The following UBAC2 variants were observed in gnomAD, a reference collection of about 807,000 sequenced individuals.
UBAC2 encodes UBA domain containing 2.
UBAC2 carries 26 observed loss-of-function variants against 44.0 expected under a neutral mutation model. The observed-to-expected ratio is 0.59, with a 90% CI of 0.43 to 0.82. UBAC2 has a LOEUF of 0.82. Among genes scored for constraint, UBAC2 ranks in the 40% least tolerant of loss-of-function variants. UBAC2 has a pLI of 0.00. For synonymous variants in UBAC2, 155 were observed against 154.3 expected (o/e 1.00, Z -0.04); for missense variants, 329 against 419.4 (o/e 0.78, Z 1.88).
intron 4 of UBAC2, among the ~76,000 whole-genome samples, chr13:99,273,976 T>C (rs1748840820): frequency 6.6e-6 from 1 of 152,028 alleles, no homozygotes; most frequent in African/African-American, 2.4e-5. Context: ...TAAATTTTTA[T>C]TGAGGTATAA....
intron 1 of UBAC2, among the ~76,000 whole-genome samples, chr13:99,203,113 T>A (rs1427003836): frequency 6.6e-6 from 1 of 152,026 alleles, no homozygotes; most frequent in Non-Finnish European, 1.5e-5. Context: ...CTCCGCTCAC[T>A]GCAACCTCCG....
chr13:99,379,268 G>C (rs1377498632), intron 8 of UBAC2, among the ~76,000 whole-genome samples: 1 of 152,226 alleles, frequency 6.6e-6, no homozygotes, highest in Non-Finnish European at 1.5e-5. Context: ...TCCTGGAGGG[G>C]CTGTCTCATT....
chr13:99,359,827 C>T (rs1030345599), intron 7 of UBAC2, among the ~76,000 whole-genome samples: 1 of 152,228 alleles, frequency 6.6e-6, no homozygotes, highest in Non-Finnish European at 1.5e-5. Flanking sequence ...CATCGCCCTT[C>T]GCTGCCTACC....
intron 6 of UBAC2, among the ~76,000 whole-genome samples, chr13:99,325,261 C>T (rs1358030360): frequency 6.6e-6 from 1 of 151,966 alleles, no homozygotes; most frequent in Non-Finnish European, 1.5e-5. Flanking sequence ...TGTCACCATG[C>T]CCAGCTAATT....
intron 6 of UBAC2, among the ~76,000 whole-genome samples, chr13:99,329,769 T>A (rs1018471097): frequency 4.6e-5 from 7 of 152,242 alleles, no homozygotes; most frequent in African/African-American, 1.4e-4. Context: ...TTGAGATGAG[T>A]GCAGATAGGC....
intron 4 of UBAC2, among the ~76,000 whole-genome samples, chr13:99,273,479 C>A (rs543482939): frequency 1.3e-5 from 2 of 151,936 alleles, no homozygotes; most frequent in African/African-American, 2.4e-5. Context: ...TGAGAGTAAG[C>A]GGTTTCTTTA....
chr13:99,270,468 C>A (rs2043801149), intron 4 of UBAC2, among the ~76,000 whole-genome samples: 1 of 152,186 alleles, frequency 6.6e-6, no homozygotes, highest in South Asian at 2.1e-4. Flanking sequence ...CTAAATAATG[C>A]TCCTTAGCTA....
rs61499852 is a variant in UBAC2 at position 99,341,420 on chromosome 13, G to C, written c.807+855G>C. On this transcript the variant is annotated intron_variant, in intron 7 of 8. Transcript: ENST00000403766. ...ATGCAGGTCCCAGAGTTTATATCAG[G>C]GGGGGGGAGGAAGGGGGCAGCTTAT... Among the ~76,000 whole-genome samples the C allele has an allele frequency of 0.029, 17 of 586 alleles. No individual in the cohort carries two copies. The Admixed American group carries it at 0.3, about 10-fold the overall frequency. 0.4% of individuals were successfully genotyped at this position (586 alleles called of 152,430 possible). A position where few individuals can be genotyped will look rare whatever the true frequency, so the allele number is the denominator to read the frequency against.
intron 4 of UBAC2, among the ~76,000 whole-genome samples, chr13:99,275,825 C>T (rs1420385721): frequency 6.6e-6 from 1 of 152,046 alleles, no homozygotes; most frequent in African/African-American, 2.4e-5. Context: ...ATGAGGTCCT[C>T]GATGACCATG....
intron 2 of UBAC2, among the ~76,000 whole-genome samples, chr13:99,243,521 A>G (rs1594039552): frequency 6.6e-6 from 1 of 152,146 alleles, no homozygotes; most frequent in Admixed American, 6.5e-5. Flanking sequence ...GTTTACGTAT[A>G]TAATTTTAAA....
chr13:99,216,489 T>A (rs1182971911), intron 1 of UBAC2, among the ~76,000 whole-genome samples: 2 of 152,192 alleles, frequency 1.3e-5, no homozygotes, highest in African/African-American at 4.8e-5. Context: ...CAAATTTCGT[T>A]TAAAATATTT....
rs564384642 is a variant in UBAC2 at position 99,253,374 on chromosome 13, T to G, written c.389+8750T>G. The stretch of plus-strand genomic sequence containing the variant: ...ACATAACCTCTTCAGACCTCAGTTT[T>G]TTATATTTCGAACAGAAGAATTGTA... On this transcript the variant is annotated intron_variant, in intron 4 of 8. Coordinates refer to ENST00000403766, the MANE Select transcript of UBAC2 (RefSeq NM_001144072.2). Among the ~76,000 whole-genome samples the G allele has an allele frequency of 3.2e-4, 48 of 152,302 alleles. No homozygotes were observed. In the South Asian group the frequency reaches 9.3e-3, roughly 30 times the overall value.
At chr13:99,210,659 TAG>T (rs1029781196) in intron 1 of UBAC2, among the ~76,000 whole-genome samples, 1 of 152,218 alleles carries the variant, frequency 6.6e-6, no homozygotes, top group African/African-American at 2.4e-5. Flanking sequence ...GTGTTTTTAG[TAG>T]AGACGGGGTT....
chr13:99,247,884 T>TA (rs11422677), intron 4 of UBAC2, among the ~76,000 whole-genome samples: 2 of 151,794 alleles, frequency 1.3e-5, no homozygotes, highest in African/African-American at 2.4e-5. Flanking sequence ...TTTTTTTTTT[T>TA]ACCTCACCAC....
chr13:99,242,500 G>A (rs571995151), intron 2 of UBAC2, among the ~76,000 whole-genome samples: 4 of 122,060 alleles, frequency 3.3e-5, no homozygotes, highest in South Asian at 3.1e-4. Flanking sequence ...CTGGCCGGGC[G>A]GGGGGCTGCC....
In UBAC2 at chr13:99,323,093, G is replaced by A. The variant is rs540993125; in HGVS notation, c.561+5024G>A. 8.6e-5 allele frequency among the ~76,000 whole-genome samples: 13 copies of A among 151,958 alleles called. 1 individual carries two copies. Among genetic ancestry groups the A allele is most frequent in the East Asian group, 1.9e-4 (1 of 5,142 alleles). On this transcript the variant is annotated intron_variant, in intron 6 of 8. Coordinates refer to ENST00000403766, the MANE Select transcript of UBAC2 (RefSeq NM_001144072.2). ...TGGTAGGTGTGAGTTCCTCTGCGCC[G>A]CCTTTGCTTGTGCCCAGCTCTCTCT...
At chr13:99,236,259 A>C (rs2043231799) in intron 1 of UBAC2, among the ~76,000 whole-genome samples, 1 of 152,234 alleles carries the variant, frequency 6.6e-6, no homozygotes, top group Admixed American at 6.5e-5. Context: ...CAGTCAACAA[A>C]GAGATAACCC....
chr13:99,299,821 G>A (rs1377257386), intron 4 of UBAC2, among the ~76,000 whole-genome samples: 2 of 152,042 alleles, frequency 1.3e-5, no homozygotes, highest in Non-Finnish European at 2.9e-5. Context: ...TATCTACTTC[G>A]CAGGTGATAA....
At chr13:99,314,358 A>G in intron 5 of UBAC2, 138 bp downstream of exon 5, 1 of 1,009,108 alleles carries the variant, frequency 9.9e-7, no homozygotes, top group Non-Finnish European at 1.4e-6. Flanking sequence ...TCTATATCAA[A>G]TGTTTAAAGG....
Sources: gnomAD v4.1 joint callset for allele counts (sites outside exome capture counted in the v4.1 genomes callset) on GRCh38, gnomAD v4.1.1 for gene constraint, MANE v1.5 for transcripts, NCBI Gene and HGNC (gene_info 2026-07-23, HGNC 2026-07-21) for gene names.